Variants in USH2A observed in about 807,000 individuals in gnomAD.
USH2A encodes usherin.
In USH2A, 443 loss-of-function variants were observed where a neutral mutation model predicts 538.9. The ratio of observed to expected loss-of-function variants is 0.82; its 90% CI spans 0.76 to 0.89. The LOEUF is 0.89. Ranked by LOEUF, USH2A falls within the 40% of genes least tolerant of loss-of-function variation. The pLI, the probability that USH2A is intolerant of heterozygous loss-of-function variation, is 0.00. For synonymous variants in USH2A, 2,413 were observed against 2,273.5 expected, an observed-to-expected ratio of 1.06 and a Z score of -1.75; for missense variants, 6,633 against 6,324.8, an observed-to-expected ratio of 1.05 and a Z score of -1.65.
chr1:216,100,276 T>C (rs972142657), intron 21 of USH2A, among the ~76,000 whole-genome samples: 1 of 152,120 alleles, frequency 6.6e-6, no homozygotes, highest in African/African-American at 2.4e-5. Context: ...GAACACGAAT[T>C]AGAAAAATCT....
chr1:216,361,821 C>A lies in USH2A; in HGVS notation c.784+3132G>T, dbSNP rs369189158. 5.9e-5 allele frequency among the ~76,000 whole-genome samples: 9 copies of A among 152,290 alleles called. No individual in the cohort carries two copies. The East Asian group carries it at 1.4e-3, about 23-fold the overall frequency. On this transcript the variant is annotated intron_variant, in intron 4 of 71. Transcript: ENST00000307340. ...TTATTTGCTAAAGCTAAAGATATAA[C>A]TGCATACACTATGGAAAAATCTCAT...
intron 3 of USH2A, among the ~76,000 whole-genome samples, chr1:216,397,784 C>A (rs1382142995): frequency 6.6e-6 from 1 of 152,222 alleles, no homozygotes; most frequent in Non-Finnish European, 1.5e-5. Flanking sequence ...TGGACTGAGA[C>A]ATAGTATCAC....
chr1:216,059,835 A>T (rs770305676), intron 30 of USH2A, among the ~76,000 whole-genome samples: 2 of 152,000 alleles, frequency 1.3e-5, no homozygotes, highest in Non-Finnish European at 2.9e-5. Flanking sequence ...GCCTTTCTAT[A>T]TGGGGCATGA....
At chr1:215,951,491 G>T (rs1242102568) in intron 37 of USH2A, among the ~76,000 whole-genome samples, 1 of 152,124 alleles carries the variant, frequency 6.6e-6, no homozygotes, top group Non-Finnish European at 1.5e-5. Flanking sequence ...GTCAATTTTG[G>T]AATAGGTGTG....
chr1:216,186,223 TA>T lies in USH2A; in HGVS notation c.4396+3999del, dbSNP rs111658512. 9.2e-3 allele frequency among the ~76,000 whole-genome samples: 1,281 copies of T among 139,282 alleles called. 11 individuals carry two copies. The highest frequency in any genetic ancestry group is 0.027 in the African/African-American group (1,049 of 38,580). 91.4% of individuals were successfully genotyped at this position (139,282 alleles called of 152,430 possible). ...GTAGAAGAAAAATTTTAGCAAAGAA[TA>T]AAAAAAAAAAAACACATTTGAAATT... On this transcript the variant is annotated intron_variant, in intron 20 of 71. Transcript: ENST00000307340.
chr1:215,885,751 C>T (rs1665033830), intron 41 of USH2A, among the ~76,000 whole-genome samples: 1 of 152,092 alleles, frequency 6.6e-6, no homozygotes, highest in Non-Finnish European at 1.5e-5. Context: ...TGTGTTGTCT[C>T]TCTTGATTTC....
chr1:216,084,817 T>A lies in USH2A; in HGVS notation c.5048A>T (p.Asn1683Ile). The change falls in exon 25 of 72, where the codon AAT (asparagine) becomes ATT (isoleucine). Residue 1683 changes from asparagine to isoleucine, a missense_variant. Physicochemically the swap from Asn to Ile is moderately radical, Grantham distance 149. Transcript: ENST00000307340. Reference protein sequence around the residue: ...LKDVHFMKNYNPSAIWEPLDW... With the variant: ...LKDVHFMKNYIPSAIWEPLDW... ...CAGAGGTTCCCAAATAGCTGACGGATTGTAATTCTTCATAAAATGTACATC... is the reference window on the plus strand; with the variant it reads ...CAGAGGTTCCCAAATAGCTGACGGAATGTAATTCTTCATAAAATGTACATC... The A allele has an allele frequency of 2.5e-6, 4 of 1,613,564 alleles. No individual in the cohort carries two copies. The highest frequency in any genetic ancestry group is 3.4e-6 in the Non-Finnish European group (4 of 1,179,676).
chr1:216,180,110 T>A (rs1054374283), intron 20 of USH2A, among the ~76,000 whole-genome samples: 2 of 152,070 alleles, frequency 1.3e-5, no homozygotes, highest in Non-Finnish European at 2.9e-5. Context: ...AAATATAAGG[T>A]GCTATCATTA....
chr1:216,236,738 G>A (rs2035826972), intron 13 of USH2A, among the ~76,000 whole-genome samples: 1 of 152,060 alleles, frequency 6.6e-6, no homozygotes, highest in African/African-American at 2.4e-5. Context: ...TTAAAATATA[G>A]TGCTCGTCAC....
intron 15 of USH2A, among the ~76,000 whole-genome samples, chr1:216,212,704 T>TGTGTGC (rs781591943): frequency 0.024 from 3,679 of 151,276 alleles, 161 homozygotes; most frequent in African/African-American, 0.083. Flanking sequence ...TGTGTGTGTG[T>TGTGTGC]GCATGCACAT....
chr1:215,927,600 G>A (rs542310579), intron 38 of USH2A, among the ~76,000 whole-genome samples: 2 of 152,088 alleles, frequency 1.3e-5, no homozygotes, highest in South Asian at 4.2e-4. Flanking sequence ...GAAAATGGTG[G>A]TTACAGTGGA....
intron 21 of USH2A, among the ~76,000 whole-genome samples, chr1:216,145,059 C>T (rs1005007828): frequency 2.6e-5 from 4 of 152,156 alleles, no homozygotes; most frequent in African/African-American, 9.7e-5. Context: ...CACCTCTCTG[C>T]TGCTCTCTGC....
chr1:215,625,494 A>G lies in USH2A; in HGVS notation c.*287T>C. 1 of 438,994 alleles carries G rather than the reference A, an allele frequency of 2.3e-6. No homozygotes were observed. The highest frequency in any genetic ancestry group is 2.4e-5 in the South Asian group (1 of 42,190). The allele number at this position is 438,994 out of a possible 1,614,324, so 27.2% of individuals were successfully genotyped here. On this transcript the variant is annotated 3_prime_UTR_variant, in exon 72 of 72. Coordinates refer to ENST00000307340, the MANE Select transcript of USH2A (RefSeq NM_206933.4). The stretch of plus-strand genomic sequence containing the variant: ...GATTATTCAGTTAACCAGGAGCATC[A>G]CTGCCAAACAGAACCAAGTGACAAT...
rs142778809 is a variant in USH2A, at chr1:215,993,863, TTAAG to T, written c.6658-700_6658-697del. Among the ~76,000 whole-genome samples the T allele has an allele frequency of 3.3e-4, 50 of 152,258 alleles. 1 individual carries two copies. The highest frequency in any genetic ancestry group is 1.1e-3 in the African/African-American group (46 of 41,556). Reference sequence around the variant, plus strand: ...GATCACAGAACTCTCTGTTCCCTAATTAAGTATCACTAATGTCAGAAATGGTAAC... The same window carrying T: ...GATCACAGAACTCTCTGTTCCCTAATTATCACTAATGTCAGAAATGGTAAC... On this transcript the variant is annotated intron_variant, in intron 34 of 71. Transcript: ENST00000307340.
At chr1:216,319,461 A>C (rs2037567412) in intron 9 of USH2A, among the ~76,000 whole-genome samples, 1 of 152,204 alleles carries the variant, frequency 6.6e-6, no homozygotes, top group South Asian at 2.1e-4. Context: ...TATACTAATG[A>C]AATCAAATGC....
At chr1:216,335,288 G>A (rs2037947253) in intron 4 of USH2A, among the ~76,000 whole-genome samples, 2 of 151,610 alleles carry the variant, frequency 1.3e-5, no homozygotes, top group South Asian at 4.1e-4. Context: ...TGGGATTTAA[G>A]TAGTGTTTAA....
At chr1:215,971,621 A>G (rs1344829024) in intron 35 of USH2A, among the ~76,000 whole-genome samples, 1 of 152,024 alleles carries the variant, frequency 6.6e-6, no homozygotes, top group African/African-American at 2.4e-5. Flanking sequence ...AACTACAAAC[A>G]AATGAACTAC....
chr1:215,633,347 G>A (rs1033428041), intron 70 of USH2A, among the ~76,000 whole-genome samples: 9 of 152,124 alleles, frequency 5.9e-5, no homozygotes, highest in Admixed American at 1.3e-4. Context: ...CCACCACCAC[G>A]TCATTGTCCC....
At chr1:215,771,917 A>G (rs1451818858) in intron 55 of USH2A, among the ~76,000 whole-genome samples, 4 of 152,168 alleles carry the variant, frequency 2.6e-5, no homozygotes, top group Non-Finnish European at 5.9e-5. Context: ...ATTTAAAACC[A>G]TATTCTATCT....
Sources: gnomAD v4.1 joint callset for allele counts (sites outside exome capture counted in the v4.1 genomes callset) on GRCh38, gnomAD v4.1.1 for gene constraint, MANE v1.5 for transcripts, NCBI Gene and HGNC (gene_info 2026-07-23, HGNC 2026-07-21) for gene names.